Variants in DCP1A observed in about 807,000 individuals in gnomAD.
DCP1A encodes mRNA-decapping enzyme 1A.
DCP1A carries 20 observed loss-of-function variants against 58.0 expected under a neutral mutation model. The observed-to-expected ratio is 0.34, with a 90% CI of 0.24 to 0.50. DCP1A has a LOEUF of 0.50. Ranked by LOEUF, DCP1A falls within the 20% of genes least tolerant of loss-of-function variation. The pLI is 0.98. For synonymous variants in DCP1A, 285 were observed against 275.1 expected, an observed-to-expected ratio of 1.04 and a Z score of -0.36; for missense variants, 613 against 712.2, an observed-to-expected ratio of 0.86 and a Z score of 1.59.
intron 3 of DCP1A, among the ~76,000 whole-genome samples, chr3:53,333,419 T>C (rs980599139): frequency 3.9e-5 from 6 of 152,190 alleles, no homozygotes; most frequent in African/African-American, 1.4e-4. Flanking sequence ...ACTGGGATTA[T>C]AGGCGTGAGC....
intron 6 of DCP1A, among the ~76,000 whole-genome samples, chr3:53,294,132 T>C (rs1205455511): frequency 6.6e-6 from 1 of 151,920 alleles, no homozygotes; most frequent in African/African-American, 2.4e-5. Flanking sequence ...GACTGCAGAG[T>C]ATCTGAGACA....
chr3:53,347,381 AC>A lies in DCP1A; in HGVS notation c.135+1del. ...CCGTCCTCAGGGCCAGGCGGCACTC[AC>A]CCACTGGTTGGCCTTGGGGCAGAAG... On this transcript the variant is annotated splice_donor_variant, in intron 1 of 9. Coordinates refer to ENST00000610213, the MANE Select transcript of DCP1A (RefSeq NM_018403.7). LOFTEE classifies it high-confidence loss of function. 6.3e-7 allele frequency: 1 copy of A among 1,588,968 alleles called. No individual in the cohort carries two copies. Among genetic ancestry groups the A allele is most frequent in the Non-Finnish European group, 8.6e-7 (1 of 1,167,704 alleles).
intron 3 of DCP1A, among the ~76,000 whole-genome samples, chr3:53,323,297 G>A (rs782344419): frequency 6.6e-6 from 1 of 152,216 alleles, no homozygotes; most frequent in Non-Finnish European, 1.5e-5. Context: ...CACAGAAGCA[G>A]CCTTGTTACA....
chr3:53,312,688 G>A (rs575982701), intron 4 of DCP1A, among the ~76,000 whole-genome samples: 3 of 152,018 alleles, frequency 2.0e-5, no homozygotes, highest in South Asian at 2.1e-4. Context: ...TAGAGATGGG[G>A]TTTCACCGTG....
chr3:53,309,278 G>A (rs1707573725), intron 5 of DCP1A, among the ~76,000 whole-genome samples: 1 of 151,944 alleles, frequency 6.6e-6, no homozygotes, highest in Non-Finnish European at 1.5e-5. Flanking sequence ...GGCTGAGGCA[G>A]GAGGATCACT....
intron 5 of DCP1A, among the ~76,000 whole-genome samples, chr3:53,305,011 T>C (rs1707427183): frequency 6.6e-6 from 1 of 152,192 alleles, no homozygotes; most frequent in Admixed American, 6.5e-5. Flanking sequence ...AAAAATTCCC[T>C]TGTGCTGTCC....
intron 6 of DCP1A, among the ~76,000 whole-genome samples, chr3:53,294,260 G>C (rs782276648): frequency 2.2e-4 from 34 of 152,216 alleles, no homozygotes; most frequent in Non-Finnish European, 4.1e-4. Flanking sequence ...AAATTGTAGG[G>C]GTGAGATTGA....
At chr3:53,326,463 A>G (rs557206025) in intron 3 of DCP1A, among the ~76,000 whole-genome samples, 16 of 152,276 alleles carry the variant, frequency 1.1e-4, no homozygotes, top group African/African-American at 3.9e-4. Context: ...GGGGTCCCCA[A>G]CCTCAGGGTC....
At chr3:53,327,218 A>T (rs1708134963) in intron 3 of DCP1A, among the ~76,000 whole-genome samples, 1 of 152,024 alleles carries the variant, frequency 6.6e-6, no homozygotes, top group Admixed American at 6.6e-5. Flanking sequence ...TCTCCTACAC[A>T]TTTTTCTACC....
chr3:53,338,398 C>T (rs1262091474), intron 3 of DCP1A, among the ~76,000 whole-genome samples: 1 of 151,866 alleles, frequency 6.6e-6, no homozygotes, highest in Non-Finnish European at 1.5e-5. Flanking sequence ...GCCTGGGCAA[C>T]ACAGTGAGAC....
At chr3:53,322,977 ACCACAC>A (rs1708013131) in intron 3 of DCP1A, among the ~76,000 whole-genome samples, 1 of 151,890 alleles carries the variant, frequency 6.6e-6, no homozygotes, top group African/African-American at 2.4e-5. Flanking sequence ...GGCGCCCGTC[ACCACAC>A]CCGGCTAACT....
intron 4 of DCP1A, among the ~76,000 whole-genome samples, chr3:53,314,105 G>A (rs56987111): frequency 0.024 from 3,620 of 151,896 alleles, 139 homozygotes; most frequent in African/African-American, 0.082. Context: ...TGTTGCCCAG[G>A]CTGGTCTCAA....
At chr3:53,331,794 A>T (rs1170726669) in intron 3 of DCP1A, among the ~76,000 whole-genome samples, 1 of 152,246 alleles carries the variant, frequency 6.6e-6, no homozygotes, top group Non-Finnish European at 1.5e-5. Context: ...TTAAAAAAAG[A>T]TTCCCCATTA....
intron 3 of DCP1A, among the ~76,000 whole-genome samples, chr3:53,332,540 GT>G (rs2089024712): frequency 6.6e-6 from 1 of 152,128 alleles, no homozygotes; most frequent in African/African-American, 2.4e-5. Context: ...TTATAGTGGA[GT>G]TTTTTGTTTT....
Position 53,342,144 on chromosome 3 carries a change from A to G in DCP1A, c.304T>C (p.Leu102=). The part of the protein sequence containing the change: ...EPFLLYRNAS[L]SIYSIWFYDK... ...ACTATAATAAAACAGATATACTCACAGCTTGCATTTCTATACAGAAGAAAT... is the reference window on the plus strand; with the variant it reads ...ACTATAATAAAACAGATATACTCACGGCTTGCATTTCTATACAGAAGAAAT... The change falls in exon 3 of 10, where the codon TTG becomes CTG. Residue 102 remains leucine, a splice_region_variant and synonymous_variant. Transcript: ENST00000610213. The G allele has an allele frequency of 6.3e-7, 1 of 1,597,468 alleles. No homozygotes were observed. Among genetic ancestry groups the G allele is most frequent in the Non-Finnish European group, 8.5e-7 (1 of 1,170,624 alleles).
At chr3:53,333,205 G>C (rs1392136689) in intron 3 of DCP1A, 4 of 149,162 alleles carry the variant, frequency 2.7e-5, no homozygotes, top group African/African-American at 5.0e-5. Context: ...GCAGTAGTGT[G>C]ATCTTGGCTC....
At chr3:53,342,079 G>T (rs2106898710) in intron 3 of DCP1A, 65 bp downstream of exon 3, 8 of 1,363,238 alleles carry the variant, frequency 5.9e-6, no homozygotes, top group Non-Finnish European at 8.1e-6. Context: ...CTAAATAATG[G>T]ATTGATAGAA....
At chr3:53,339,792 A>G (rs1325061193) in intron 3 of DCP1A, among the ~76,000 whole-genome samples, 6 of 152,214 alleles carry the variant, frequency 3.9e-5, no homozygotes, top group East Asian at 1.9e-4. Flanking sequence ...AACTTTCCCT[A>G]CTGACTACTT....
chr3:53,319,327 T>C (rs1447000490), intron 4 of DCP1A, 80 bp downstream of exon 4: 1 of 933,114 alleles, frequency 1.1e-6, no homozygotes, highest in African/African-American at 1.7e-5. Context: ...TGGCAGACTT[T>C]AGTAACAAAG....
Sources: allele counts gnomAD v4.1 joint callset (sites outside exome capture counted in the v4.1 genomes callset), GRCh38; gene constraint gnomAD v4.1.1; transcripts MANE v1.5; gene names NCBI Gene and HGNC (gene_info 2026-07-23, HGNC 2026-07-21).